Variants in ADGB observed in about 807,000 individuals in gnomAD.
ADGB encodes androglobin.
A neutral mutation model predicts 210.5 loss-of-function variants in ADGB; 172 were observed. The ratio of observed to expected loss-of-function variants is 0.82; its 90% CI spans 0.72 to 0.93. The LOEUF is 0.93. Ranked by LOEUF, ADGB falls within the 40% of genes least tolerant of loss-of-function variation. ADGB has a pLI of 0.00. For synonymous variants in ADGB, 658 were observed against 662.7 expected (o/e 0.99, Z 0.11); for missense variants, 2,025 against 1,964.8 (o/e 1.03, Z -0.58).
At chr6:146,697,872 A>T (rs1776429986) in intron 12 of ADGB, among the ~76,000 whole-genome samples, 1 of 152,208 alleles carries the variant, frequency 6.6e-6, no homozygotes, top group Admixed American at 6.5e-5. Flanking sequence ...GACAAATATA[A>T]TGCAATAATA....
intron 29 of ADGB, among the ~76,000 whole-genome samples, chr6:146,772,225 T>A (rs1431097712): frequency 6.6e-6 from 1 of 151,976 alleles, no homozygotes; most frequent in Non-Finnish European, 1.5e-5. Flanking sequence ...TAAATGAGAT[T>A]CATAAAAATG....
At chr6:146,652,275 T>C (rs553882673) in intron 3 of ADGB, among the ~76,000 whole-genome samples, 1 of 152,310 alleles carries the variant, frequency 6.6e-6, no homozygotes, top group South Asian at 2.1e-4. Context: ...GTATAGCTTA[T>C]CAACTTTGGT....
chr6:146,732,766 C>G (rs144451044), intron 20 of ADGB, among the ~76,000 whole-genome samples: 105 of 152,152 alleles, frequency 6.9e-4, no homozygotes, highest in African/African-American at 1.6e-3. Context: ...GTGTGTCTTA[C>G]AATGGATGGC....
chr6:146,661,761 T>C (rs916385305), intron 5 of ADGB, among the ~76,000 whole-genome samples: 3 of 152,144 alleles, frequency 2.0e-5, no homozygotes, highest in Non-Finnish European at 4.4e-5. Flanking sequence ...CTGAAAAATT[T>C]TCTTTCGCAA....
rs1777848024 is a variant in ADGB, at chr6:146,784,677, G to T, written c.4095G>T (p.Leu1365Phe). The T allele has an allele frequency of 2.6e-6, 4 of 1,551,208 alleles. No homozygotes were observed. The highest frequency in any genetic ancestry group is 2.4e-5 in the East Asian group (1 of 40,880). Reference sequence around the variant, plus strand: ...ATAAACCCTACTGGATTTTGAGGTTGGTCACTGAACACAATGAATCAGAAT... The same window carrying T: ...ATAAACCCTACTGGATTTTGAGGTTTGTCACTGAACACAATGAATCAGAAT... ...DPNKPYWILR[L>F]VTEHNESELF... The change falls in exon 31 of 36, where the codon TTG becomes TTT. Residue 1365 changes from leucine to phenylalanine, a missense_variant. By Grantham distance (22) the Leu-to-Phe change is conservative. Transcript: ENST00000397944.
intron 6 of ADGB, among the ~76,000 whole-genome samples, chr6:146,666,164 G>A (rs762892782): frequency 9.2e-5 from 14 of 152,008 alleles, no homozygotes; most frequent in South Asian, 4.1e-4. Context: ...AGCTGAAGCC[G>A]TGACTCCCGG....
chr6:146,767,981 AT>A (rs1777600788), intron 28 of ADGB, among the ~76,000 whole-genome samples: 1 of 152,214 alleles, frequency 6.6e-6, no homozygotes, highest in Non-Finnish European at 1.5e-5. Flanking sequence ...GCCTTTAATA[AT>A]AGCAGCAACA....
intron 35 of ADGB, chr6:146,807,387 T>G (rs1184080446): frequency 6.5e-7 from 1 of 1,548,260 alleles, no homozygotes; most frequent in Non-Finnish European, 8.7e-7. Flanking sequence ...TGTTTGGGGT[T>G]TTGCTTTGGA....
intron 33 of ADGB, among the ~76,000 whole-genome samples, chr6:146,795,461 GAAAAACAACCCCATT>G (rs1342131016): frequency 1.1e-4 from 17 of 151,750 alleles, no homozygotes; most frequent in Non-Finnish European, 2.1e-4. Context: ...ATTTATAAGA[GAAAAACAACCCCATT>G]AAAAAGTTGG....
Position 146,785,630 on chromosome 6 carries a change from T to A in ADGB, c.4233T>A (p.His1411Gln), listed in dbSNP as rs1212377089. 1.2e-5 allele frequency: 18 copies of A among 1,550,498 alleles called. No homozygotes were observed. The highest frequency in any genetic ancestry group is 2.0e-5 in the Admixed American group (1 of 50,966). The stretch of plus-strand genomic sequence containing the variant: ...TTTAGGCTTCTCAGGCTCGTTTGCA[T>A]TACCTTAGCGGGTTCATTAAGAAAA... Reference protein sequence around the residue: ...RAIKASQARLHYLSGFIKKTS... With the variant: ...RAIKASQARLQYLSGFIKKTS... The change falls in exon 32 of 36, where the codon CAT becomes CAA. Residue 1411 changes from histidine (H) to glutamine (Q), a missense_variant. Transcript: ENST00000397944.
At chr6:146,752,896 T>C (rs527915773) in intron 27 of ADGB, among the ~76,000 whole-genome samples, 182 bp downstream of exon 27, 1 of 152,098 alleles carries the variant, frequency 6.6e-6, no homozygotes. Flanking sequence ...TCATTATAGG[T>C]TTATTTTAAA....
chr6:146,710,621 T>C (rs111892301), intron 13 of ADGB, among the ~76,000 whole-genome samples: 3 of 152,026 alleles, frequency 2.0e-5, no homozygotes, highest in African/African-American at 2.4e-5. Flanking sequence ...AACAAATCTA[T>C]TAGTGTTAAT....
At chr6:146,795,663 G>A (rs1778030519) in intron 33 of ADGB, among the ~76,000 whole-genome samples, 1 of 152,178 alleles carries the variant, frequency 6.6e-6, no homozygotes, top group African/African-American at 2.4e-5. Context: ...TGGTCAGGTT[G>A]TGGAGAAAAA....
intron 29 of ADGB, among the ~76,000 whole-genome samples, chr6:146,778,250 T>C (rs892657780): frequency 2.6e-5 from 4 of 152,094 alleles, no homozygotes. Context: ...CCTGGTTACC[T>C]CATATTTGGG....
intron 1 of ADGB, among the ~76,000 whole-genome samples, chr6:146,616,681 A>C (rs1164172521): frequency 1.3e-5 from 2 of 152,110 alleles, no homozygotes; most frequent in African/African-American, 4.8e-5. Context: ...TTTATTAAAA[A>C]GACTGTTCTT....
intron 7 of ADGB, among the ~76,000 whole-genome samples, chr6:146,671,396 A>C (rs988110487): frequency 6.6e-6 from 1 of 152,126 alleles, no homozygotes; most frequent in Non-Finnish European, 1.5e-5. Context: ...TCCAACGGAC[A>C]CTGTGTTTTA....
At position 146,769,068 on chromosome 6, in the gene ADGB, C is replaced by T. The variant is rs1444199090; in HGVS notation, c.3799C>T (p.Leu1267Phe). ...QCSVLYNSWPLTESQLTFVQA... is the reference protein window; with the variant it reads ...QCSVLYNSWPFTESQLTFVQA... ...TTCGGTGTTGTATAACAGTTGGCCT[C>T]TCACTGAAAGCCAGCTGACATTTGT... Residue 1267 changes from leucine to phenylalanine, a missense_variant, in exon 29 of 36, where the codon CTC (leucine) becomes TTC (phenylalanine). Transcript: ENST00000397944. 6.5e-7 allele frequency: 1 copy of T among 1,531,690 alleles called. No individual in the cohort carries two copies. Among genetic ancestry groups the T allele is most frequent in the South Asian group, 1.2e-5 (1 of 81,590 alleles). 94.9% of individuals were successfully genotyped at this position (1,531,690 alleles called of 1,614,324 possible).
chr6:146,646,200 C>T (rs1775608450), intron 3 of ADGB, among the ~76,000 whole-genome samples: 1 of 152,012 alleles, frequency 6.6e-6, no homozygotes, highest in African/African-American at 2.4e-5. Flanking sequence ...TATGTATTCC[C>T]CCTTTCCTTT....
chr6:146,619,528 T>C (rs1288872213), intron 1 of ADGB, among the ~76,000 whole-genome samples: 2 of 152,096 alleles, frequency 1.3e-5, no homozygotes, highest in African/African-American at 4.8e-5. Context: ...CTATTTATTT[T>C]TAGTGTATCT....
Sources: allele counts gnomAD v4.1 joint callset (sites outside exome capture counted in the v4.1 genomes callset), GRCh38; gene constraint gnomAD v4.1.1; transcripts MANE v1.5; gene names NCBI Gene and HGNC (gene_info 2026-07-23, HGNC 2026-07-21).